The following DNAH6 variants were observed in gnomAD, a reference collection of about 807,000 sequenced individuals.
DNAH6 encodes dynein axonemal heavy chain 6.
A neutral mutation model predicts 491.4 loss-of-function variants in DNAH6; 340 were observed. The ratio of observed to expected loss-of-function variants is 0.69; its 90% CI spans 0.63 to 0.76. DNAH6 has a LOEUF of 0.76. Among genes scored for constraint, DNAH6 ranks in the 30% least tolerant of loss-of-function variants. DNAH6 has a pLI of 0.00. For missense variants in DNAH6, 4,443 were observed against 4,972.2 expected (o/e 0.89, Z 3.20); for synonymous variants, 1,603 against 1,686.1 (o/e 0.95, Z 1.21).
intron 52 of DNAH6, among the ~76,000 whole-genome samples, chr2:84,706,575 T>C (rs927999735): frequency 6.6e-6 from 1 of 152,240 alleles, no homozygotes; most frequent in African/African-American, 2.4e-5. Context: ...GTTTCCACTA[T>C]GGCATGAATA....
chr2:84,738,267 C>A (rs1672192843), intron 62 of DNAH6, among the ~76,000 whole-genome samples: 1 of 152,048 alleles, frequency 6.6e-6, no homozygotes, highest in Non-Finnish European at 1.5e-5. Flanking sequence ...TATGACCAAG[C>A]ATGTGGTCAA....
chr2:84,767,399 C>T (rs1436447445), intron 64 of DNAH6, among the ~76,000 whole-genome samples: 3 of 151,780 alleles, frequency 2.0e-5, no homozygotes, highest in Non-Finnish European at 4.4e-5. Flanking sequence ...GTGCTGCACA[C>T]CTGTAGTCCC....
chr2:84,647,301 T>C (rs1391318009), intron 33 of DNAH6, among the ~76,000 whole-genome samples: 2 of 152,198 alleles, frequency 1.3e-5, no homozygotes, highest in Non-Finnish European at 2.9e-5. Context: ...AATGCTGATG[T>C]AGAGGCTGCA....
At chr2:84,806,882 A>G (rs1240165085) in intron 71 of DNAH6, among the ~76,000 whole-genome samples, 2 of 152,182 alleles carry the variant, frequency 1.3e-5, no homozygotes, top group Non-Finnish European at 2.9e-5. Flanking sequence ...GAGAATGTCT[A>G]CTTGGGTAGA....
intron 4 of DNAH6, among the ~76,000 whole-genome samples, chr2:84,534,631 A>G (rs10496313): frequency 0.024 from 3,588 of 152,018 alleles, 57 homozygotes; most frequent in Middle Eastern, 0.092. Context: ...TTGACACAAT[A>G]TTAGGTGTTC....
chr2:84,468,409 C>T, the DNAH6 span, among the ~76,000 whole-genome samples: 1 of 152,154 alleles, frequency 6.6e-6, no homozygotes, highest in Non-Finnish European at 1.5e-5. Context: ...CCTGTTTACC[C>T]CAAGGAGTCC....
intron 20 of DNAH6, among the ~76,000 whole-genome samples, chr2:84,606,689 G>A (rs1358926075): frequency 6.6e-6 from 1 of 152,144 alleles, no homozygotes; most frequent in Non-Finnish European, 1.5e-5. Context: ...ATAGTGAAGG[G>A]AGAGAGGAAA....
intron 8 of DNAH6, 29 bp downstream of exon 8, chr2:84,548,446 T>A (rs528982800): frequency 1.2e-6 from 2 of 1,612,428 alleles, no homozygotes; most frequent in Non-Finnish European, 1.7e-6. Context: ...TCAAGAAAAA[T>A]TGTAGTACCC....
At chr2:84,793,441 A>G (rs1386442965) in intron 68 of DNAH6, among the ~76,000 whole-genome samples, 2 of 152,178 alleles carry the variant, frequency 1.3e-5, no homozygotes, top group Non-Finnish European at 2.9e-5. Flanking sequence ...GCTTGTCAAA[A>G]TGCAGATATT....
rs1336095543 is a variant in DNAH6, at chr2:84,547,527, A to G, written c.1101A>G (p.Ala367=). 1 of 1,551,770 alleles carries G rather than the reference A, an allele frequency of 6.4e-7. No homozygotes were observed. Among genetic ancestry groups the G allele is most frequent in the Admixed American group, 2.0e-5 (1 of 50,994 alleles). ...GCCTAGGAGAATTTCGAAATGAGGC[A>G]AAATATGTAGTCAGGAGGGCTTGTC... ...TERLGEFRNE[A]KYVVRRACRF... is the part of the protein sequence containing the mutation. Residue 367 remains alanine (A), a synonymous_variant, in exon 7 of 77, where the codon GCA becomes GCG. Coordinates refer to ENST00000389394, the MANE Select transcript of DNAH6 (RefSeq NM_001370.2).
intron 76 of DNAH6, 32 bp downstream of exon 76, chr2:84,816,115 T>C: frequency 6.7e-7 from 1 of 1,487,836 alleles, no homozygotes; most frequent in African/African-American, 1.4e-5. Context: ...GTTCAAATAA[T>C]GACCAAATGC....
chr2:84,549,989 C>T lies in DNAH6; in HGVS notation c.1417C>T (p.Arg473Ter), dbSNP rs143013494. ...LLNHLTDKLK[R>*]TPSADVIQKW... is the part of the protein sequence containing the mutation. ...GAACCATCTCACTGACAAGCTAAAACGAACACCTTCAGCAGATGTCATTCA... is the reference window on the plus strand; with the variant it reads ...GAACCATCTCACTGACAAGCTAAAATGAACACCTTCAGCAGATGTCATTCA... The change falls in exon 9 of 77, where the codon CGA becomes TGA. Residue 473 changes from arginine to a stop codon, truncating the protein, a stop_gained. Transcript: ENST00000389394. LOFTEE classifies it high-confidence loss of function. The T allele has an allele frequency of 1.4e-5, 23 of 1,613,792 alleles. No individual in the cohort carries two copies. The highest frequency in any genetic ancestry group is 2.7e-5 in the African/African-American group (2 of 74,860).
At chr2:84,747,086 T>C (rs1053876125) in intron 63 of DNAH6, among the ~76,000 whole-genome samples, 4 of 152,188 alleles carry the variant, frequency 2.6e-5, no homozygotes, top group Non-Finnish European at 5.9e-5. Flanking sequence ...ACATGAGATT[T>C]GGAGGGGACA....
At chr2:84,596,567 G>A (rs182912600) in intron 18 of DNAH6, among the ~76,000 whole-genome samples, 75 of 152,096 alleles carry the variant, frequency 4.9e-4, no homozygotes, top group African/African-American at 1.5e-3. Flanking sequence ...CTGACCTCAC[G>A]TGATCCACCT....
intron 18 of DNAH6, among the ~76,000 whole-genome samples, chr2:84,603,377 C>T (rs539288705): frequency 2.0e-5 from 3 of 152,150 alleles, no homozygotes; most frequent in African/African-American, 7.2e-5. Context: ...CCTCGAATTT[C>T]GGGTGGGGCT....
chr2:84,706,804 CAT>C, intron 52 of DNAH6, 90 bp from the exon 53 acceptor site: 1 of 1,403,156 alleles, frequency 7.1e-7, no homozygotes, highest in Non-Finnish European at 9.4e-7. Flanking sequence ...AAAAGAGGAA[CAT>C]ATATAAAATT....
intron 22 of DNAH6, among the ~76,000 whole-genome samples, chr2:84,613,726 G>A (rs1686558004): frequency 6.6e-6 from 1 of 151,974 alleles, no homozygotes; most frequent in Non-Finnish European, 1.5e-5. Context: ...CTTGGCTTTG[G>A]TTTTGTACTC....
In DNAH6 at chr2:84,752,898, A is replaced by G. The variant is rs192891628; in HGVS notation, c.10512+7649A>G. Among the ~76,000 whole-genome samples the G allele has an allele frequency of 1.7e-4, 26 of 152,254 alleles. 1 individual carries two copies. Among genetic ancestry groups the G allele is most frequent in the Admixed American group, 1.4e-3 (21 of 15,300 alleles). On this transcript the variant is annotated intron_variant, in intron 63 of 76. Coordinates refer to ENST00000389394, the MANE Select transcript of DNAH6 (RefSeq NM_001370.2). ...TTTGTGTACAAGTTTTTGTGTGGAC[A>G]TGGGTTTTAATTTATCTTATGTATT...
At chr2:84,742,135 C>A (rs1457131861) in intron 62 of DNAH6, among the ~76,000 whole-genome samples, 1 of 152,200 alleles carries the variant, frequency 6.6e-6, no homozygotes, top group East Asian at 1.9e-4. Flanking sequence ...GGAGGCAGCA[C>A]GCAATACCTG....
Sources: gnomAD v4.1 joint callset for allele counts (sites outside exome capture counted in the v4.1 genomes callset) on GRCh38, gnomAD v4.1.1 for gene constraint, MANE v1.5 for transcripts, NCBI Gene and HGNC (gene_info 2026-07-23, HGNC 2026-07-21) for gene names.